Variants in BICD1 observed in about 807,000 individuals in gnomAD.
BICD1 encodes the protein BICD cargo adaptor 1, also known as protein bicaudal D homolog 1.
BICD1 carries 35 observed loss-of-function variants against 92.5 expected under a neutral mutation model. That is an observed-to-expected ratio of 0.38 (90% CI 0.29 to 0.50). BICD1 has a LOEUF of 0.50. Ranked by LOEUF, BICD1 falls within the 20% of genes least tolerant of loss-of-function variation. The pLI is 0.93. For missense variants in BICD1, 950 were observed against 1,189.8 expected (o/e 0.80, Z 2.97); for synonymous variants, 429 against 465.1 (o/e 0.92, Z 1.00).
At chr12:32,299,793 C>CAT (rs1407840008) in intron 3 of BICD1, among the ~76,000 whole-genome samples, 2 of 152,174 alleles carry the variant, frequency 1.3e-5, no homozygotes, top group African/African-American at 4.8e-5. Flanking sequence ...GCCTGGGTGA[C>CAT]ATAGCAAGAG....
intron 2 of BICD1, among the ~76,000 whole-genome samples, chr12:32,238,139 T>C (rs2136074906): frequency 6.6e-6 from 1 of 152,288 alleles, no homozygotes; most frequent in African/African-American, 2.4e-5. Context: ...CTGGGCATGG[T>C]GGCCTATAAT....
chr12:32,327,778 T>C lies in BICD1; in HGVS notation c.1323T>C (p.Tyr441=), dbSNP rs201655472. 2.5e-6 allele frequency: 4 copies of C among 1,614,058 alleles called. No homozygotes were observed. Among genetic ancestry groups the C allele is most frequent in the South Asian group, 1.1e-5 (1 of 91,080 alleles). ...KAEIKALKEK[Y]NKSVENYTDE... ...AAATTAAGGCCTTAAAGGAGAAATATAATAAATCTGTAGAAAACTACACTG... is the reference window on the plus strand; with the variant it reads ...AAATTAAGGCCTTAAAGGAGAAATACAATAAATCTGTAGAAAACTACACTG... The change falls in exon 5 of 10, where the codon TAT becomes TAC. Residue 441 remains tyrosine, a synonymous_variant. Transcript: ENST00000652176.
At chr12:32,192,834 G>A (rs1345975049) in intron 1 of BICD1, among the ~76,000 whole-genome samples, 1 of 152,174 alleles carries the variant, frequency 6.6e-6, no homozygotes, top group African/African-American at 2.4e-5. Context: ...CTGCAGATGT[G>A]GTGGAAACAG....
In BICD1 at chr12:32,293,987, G is replaced by A; in HGVS notation, c.427-7G>A. ...TTATATATTGACTGTTTACTCTGTTGTTTCAGAACAATGAGATGGTGGAGC... is the reference window on the plus strand; with the variant it reads ...TTATATATTGACTGTTTACTCTGTTATTTCAGAACAATGAGATGGTGGAGC... On this transcript the variant is annotated splice_region_variant and splice_polypyrimidine_tract_variant and intron_variant, in intron 2 of 9. Coordinates refer to ENST00000652176, the MANE Select transcript of BICD1 (RefSeq NM_001714.4). 6.2e-7 allele frequency: 1 copy of A among 1,611,692 alleles called. No individual in the cohort carries two copies. Among genetic ancestry groups the A allele is most frequent in the Non-Finnish European group, 8.5e-7 (1 of 1,179,342 alleles).
At chr12:32,310,473 G>A (rs1312313431) in intron 4 of BICD1, among the ~76,000 whole-genome samples, 2 of 152,144 alleles carry the variant, frequency 1.3e-5, no homozygotes, top group Admixed American at 6.5e-5. Context: ...TTTGTGTCCC[G>A]CAGCTCAATC....
At chr12:32,369,406 G>GC (rs1939645875) in intron 9 of BICD1, among the ~76,000 whole-genome samples, 1 of 152,226 alleles carries the variant, frequency 6.6e-6, no homozygotes, top group African/African-American at 2.4e-5. Flanking sequence ...GCAGGGGCAG[G>GC]CCCAAACACT....
chr12:32,333,995 T>A (rs117444928), intron 5 of BICD1, among the ~76,000 whole-genome samples: 8,925 of 152,278 alleles, frequency 0.059, 337 homozygotes, highest in Non-Finnish European at 0.09. Flanking sequence ...TATGATAACA[T>A]GGATTTATAG....
chr12:32,210,316 C>T (rs1945179598), intron 1 of BICD1, among the ~76,000 whole-genome samples: 3 of 151,946 alleles, frequency 2.0e-5, no homozygotes, highest in Admixed American at 2.0e-4. Flanking sequence ...ACACGTTCTG[C>T]CACAGTTTTT....
intron 2 of BICD1, among the ~76,000 whole-genome samples, chr12:32,291,897 G>A (rs986862919): frequency 3.9e-5 from 6 of 152,048 alleles, no homozygotes; most frequent in African/African-American, 7.2e-5. Context: ...AGCATATGTC[G>A]GAAAGTCAGG....
chr12:32,238,956 A>C (rs956525944), intron 2 of BICD1, among the ~76,000 whole-genome samples: 3 of 140,136 alleles, frequency 2.1e-5, no homozygotes, highest in African/African-American at 8.1e-5. Flanking sequence ...AAAAAAAAAA[A>C]AAAAAAAAGG....
chr12:32,153,795 G>A (rs980079641), intron 1 of BICD1, among the ~76,000 whole-genome samples: 2 of 150,378 alleles, frequency 1.3e-5, no homozygotes. Flanking sequence ...GTGTGTGTGT[G>A]TGTATATATG....
chr12:32,343,170 C>G (rs913521894), intron 8 of BICD1, among the ~76,000 whole-genome samples: 1 of 152,180 alleles, frequency 6.6e-6, no homozygotes, highest in African/African-American at 2.4e-5. Flanking sequence ...TGCCTATCAG[C>G]CTTGATGACC....
At chr12:32,234,667 C>CT (rs1946009205) in intron 2 of BICD1, among the ~76,000 whole-genome samples, 1 of 138,506 alleles carries the variant, frequency 7.2e-6, no homozygotes, top group Non-Finnish European at 1.6e-5. Context: ...CTTTTTTTTT[C>CT]TTTCTTTTTT....
At chr12:32,242,449 C>A (rs1946263780) in intron 2 of BICD1, among the ~76,000 whole-genome samples, 1 of 151,914 alleles carries the variant, frequency 6.6e-6, no homozygotes, top group Non-Finnish European at 1.5e-5. Context: ...ATTGCCTGAC[C>A]CCAGGAGGCG....
intron 1 of BICD1, among the ~76,000 whole-genome samples, chr12:32,114,589 G>A (rs1386386003): frequency 2.0e-5 from 3 of 152,054 alleles, no homozygotes; most frequent in African/African-American, 4.8e-5. Flanking sequence ...TGCCATGTAA[G>A]CCAGGTTGGT....
intron 1 of BICD1, among the ~76,000 whole-genome samples, chr12:32,111,601 T>A (rs543470091): frequency 1.8e-4 from 28 of 152,240 alleles, no homozygotes; most frequent in South Asian, 8.3e-4. Context: ...TGTTTTTATT[T>A]TTTTATTTTA....
At chr12:32,185,486 GCTGAAGGAACATCCTCTCC>G (rs1272286374) in intron 1 of BICD1, among the ~76,000 whole-genome samples, 1 of 152,316 alleles carries the variant, frequency 6.6e-6, no homozygotes, top group East Asian at 1.9e-4. Flanking sequence ...TGAGATATGG[GCTGAAGGAACATCCTCTCC>G]CTGAGGCTTT....
Position 32,382,828 on chromosome 12 carries a change from T to C in BICD1, c.*5201T>C, listed in dbSNP as rs1171163504. 6.6e-6 allele frequency: 1 copy of C among 152,046 alleles called. No individual in the cohort carries two copies. The allele number at this position is 152,046 out of a possible 1,614,324, so 9.4% of individuals were successfully genotyped here. A position where few individuals can be genotyped will look rare whatever the true frequency, so the allele number is the denominator to read the frequency against. ...GAGAACTATAAAGTAAGGGGAAATA[T>C]CATTTTATTTAAAAATAATTATTCA... is the stretch of plus-strand genomic sequence containing the variant. On this transcript the variant is annotated 3_prime_UTR_variant, in exon 10 of 10. Transcript: ENST00000652176.
intron 4 of BICD1, among the ~76,000 whole-genome samples, chr12:32,320,123 A>G (rs1245831607): frequency 1.3e-5 from 2 of 152,190 alleles, no homozygotes; most frequent in African/African-American, 2.4e-5. Context: ...AGCAGAGAAG[A>G]ACAAATTATT....
Sources: allele counts gnomAD v4.1 joint callset (sites outside exome capture counted in the v4.1 genomes callset), GRCh38; gene constraint gnomAD v4.1.1; transcripts MANE v1.5; gene names NCBI Gene and HGNC (gene_info 2026-07-23, HGNC 2026-07-21).